ZNF316: variants seen among roughly 807,000 people sequenced by gnomAD.
The protein encoded by ZNF316 is zinc finger protein 316.
A neutral mutation model predicts 75.6 loss-of-function variants in ZNF316; 23 were observed. The observed-to-expected ratio is 0.30, with a 90% CI of 0.22 to 0.43. ZNF316 has a LOEUF of 0.43. Ranked by LOEUF, ZNF316 falls within the 20% of genes least tolerant of loss-of-function variation. The pLI is 1.00. For synonymous variants in ZNF316, 827 were observed against 666.2 expected (o/e 1.24, Z -3.72); for missense variants, 1,266 against 1,409.4 (o/e 0.90, Z 1.63).
At chr7:6,647,760 G>A (rs367960525) in intron 8 of ZNF316, among the ~76,000 whole-genome samples, 111 of 152,324 alleles carry the variant, frequency 7.3e-4, no homozygotes, top group African/African-American at 7.2e-4. Context: ...AGATGGTGGC[G>A]GCCTGGTGCC....
chr7:6,642,725 C>G lies in ZNF316; in HGVS notation c.316C>G (p.Arg106Gly), dbSNP rs1003071419. The change falls in exon 5 of 9, where the codon CGT becomes GGT. Residue 106 changes from arginine (R) to glycine (G), a missense_variant. By Grantham distance (125) the Arg-to-Gly change is moderately radical. Coordinates refer to ENST00000382252, the MANE Select transcript of ZNF316 (RefSeq NM_001278559.2). This position sits in a 1 kb window ranked among gnomAD's most constrained non-coding sequence, Gnocchi z 8.1. ...PALGTQERLS[R>G]GGDAKSPVLQ... is the part of the protein sequence containing the mutation. ...GTTGGGGACCCAGGAGCGACTTAGC[C>G]GTGGTGGTGATGCCAAGTCCCCAGT... 13 of 1,233,476 alleles carry G rather than the reference C, an allele frequency of 1.1e-5. No individual in the cohort carries two copies. Among genetic ancestry groups the G allele is most frequent in the African/African-American group, 1.6e-5 (1 of 64,284 alleles). 76.4% of individuals were successfully genotyped at this position (1,233,476 alleles called of 1,614,324 possible).
Position 6,652,484 on chromosome 7 carries a change from G to A in ZNF316, c.888G>A (p.Gly296=), listed in dbSNP as rs1315007375. 2.5e-5 allele frequency: 31 copies of A among 1,231,472 alleles called. No homozygotes were observed. The highest frequency in any genetic ancestry group is 2.9e-5 in the Non-Finnish European group (29 of 987,724). The allele number at this position is 1,231,472 out of a possible 1,614,324, so 76.3% of individuals were successfully genotyped here. A position where few individuals can be genotyped will look rare whatever the true frequency, so the allele number is the denominator to read the frequency against. ...DDSDSAQTPE[G]WGPDPGGLGV... is the part of the protein sequence containing the mutation. ...CGGATTCGGCGCAGACTCCAGAGGGGTGGGGACCCGACCCAGGCGGCCTGG... is the reference window on the plus strand; with the variant it reads ...CGGATTCGGCGCAGACTCCAGAGGGATGGGGACCCGACCCAGGCGGCCTGG... The change falls in exon 9 of 9, where the codon GGG becomes GGA. Residue 296 remains glycine, a synonymous_variant. Coordinates refer to ENST00000382252, the MANE Select transcript of ZNF316 (RefSeq NM_001278559.2).
intron 2 of ZNF316, among the ~76,000 whole-genome samples, chr7:6,638,332 G>A (rs1268512140): frequency 6.6e-6 from 1 of 152,144 alleles, no homozygotes; most frequent in African/African-American, 2.4e-5. Flanking sequence ...GACAGACAGT[G>A]AGGACTGTGG....
In ZNF316 at chr7:6,654,621, G is replaced by A. The variant is rs1779584357; in HGVS notation, c.*10G>A. 1 of 1,184,606 alleles carries A rather than the reference G, an allele frequency of 8.4e-7. No individual in the cohort carries two copies. Among genetic ancestry groups the A allele is most frequent in the Admixed American group, 4.5e-5 (1 of 22,148 alleles). The allele number at this position is 1,184,606 out of a possible 1,614,324, so 73.4% of individuals were successfully genotyped here. On this transcript the variant is annotated 3_prime_UTR_variant, in exon 9 of 9. Coordinates refer to ENST00000382252, the MANE Select transcript of ZNF316 (RefSeq NM_001278559.2). ...GGAGGGCGTCCTGTGAGGGGCCCGGGGCCGACAGCAGCGCAGCCTGCAGGG... is the reference window on the plus strand; with the variant it reads ...GGAGGGCGTCCTGTGAGGGGCCCGGAGCCGACAGCAGCGCAGCCTGCAGGG...
rs1031631360 is a variant in ZNF316, at chr7:6,658,022, C to T, written c.*3411C>T. 1.3e-5 allele frequency among the ~76,000 whole-genome samples: 2 copies of T among 152,072 alleles called. No homozygotes were observed. Among genetic ancestry groups the T allele is most frequent in the African/African-American group, 2.4e-5 (1 of 41,414 alleles). On this transcript the variant is annotated 3_prime_UTR_variant, in exon 9 of 9. Transcript: ENST00000382252. ...CTAGTGACTTGTGAAATGTGAGTCA[C>T]GAAAGGTGGCACTTAGAGGGTCCCT...
At chr7:6,644,081 G>A in intron 7 of ZNF316, 133 bp downstream of exon 7, 2 of 1,043,348 alleles carry the variant, frequency 1.9e-6, no homozygotes, top group Non-Finnish European at 2.4e-6. Context: ...CCACCTCCCA[G>A]GGAAGCCCTA....
rs1237201075 is a variant in ZNF316 at position 6,652,921 on chromosome 7, C to G, written c.1325C>G (p.Ser442Cys). Residue 442 changes from serine (S) to cysteine (C), a missense_variant, in exon 9 of 9, where the codon TCC becomes TGC. This residue lies in a region of ZNF316 where 961 missense variants were observed against 990.9 expected (regional missense o/e 0.97). Transcript: ENST00000382252. ...AFCGAGFGRR[S>C]YLVTHQRTHT... ...TGCGGCGCGGGCTTCGGGCGCCGCTCCTACCTGGTCACGCACCAGCGCACG... is the reference window on the plus strand; with the variant it reads ...TGCGGCGCGGGCTTCGGGCGCCGCTGCTACCTGGTCACGCACCAGCGCACG... 66 of 1,243,324 alleles carry G rather than the reference C, an allele frequency of 5.3e-5. No homozygotes were observed. The highest frequency in any genetic ancestry group is 6.4e-5 in the Non-Finnish European group (64 of 993,260). The allele number at this position is 1,243,324 out of a possible 1,614,324, so 77.0% of individuals were successfully genotyped here. A position where few individuals can be genotyped will look rare whatever the true frequency, so the allele number is the denominator to read the frequency against.
At position 6,653,486 on chromosome 7, in the gene ZNF316, C is replaced by T; in HGVS notation, c.1890C>T (p.Arg630=). 1 of 1,223,218 alleles carries T rather than the reference C, an allele frequency of 8.2e-7. No homozygotes were observed. Among genetic ancestry groups the T allele is most frequent in the Non-Finnish European group, 1.0e-6 (1 of 982,318 alleles). 75.8% of individuals were successfully genotyped at this position (1,223,218 alleles called of 1,614,324 possible). A position where few individuals can be genotyped will look rare whatever the true frequency, so the allele number is the denominator to read the frequency against. ...DFRERLPVDG[R]PLPAPLGGPL... is the part of the protein sequence containing the mutation. ...GAGAGCGGCTGCCGGTCGACGGGCG[C>T]CCGCTCCCGGCGCCCCTGGGGGGCC... The change falls in exon 9 of 9, where the codon CGC becomes CGT. Residue 630 remains arginine (R), a synonymous_variant. Transcript: ENST00000382252.
At chr7:6,647,046 C>T (rs980832764) in intron 8 of ZNF316, among the ~76,000 whole-genome samples, 2 of 152,216 alleles carry the variant, frequency 1.3e-5, no homozygotes, top group African/African-American at 2.4e-5. Flanking sequence ...TTTCTGCCGG[C>T]TCTGGTCTGC....
At chr7:6,646,962 G>C (rs1779415948) in intron 8 of ZNF316, among the ~76,000 whole-genome samples, 1 of 152,060 alleles carries the variant, frequency 6.6e-6, no homozygotes, top group African/African-American at 2.4e-5. Context: ...CTGCCCTTCA[G>C]CCATGCTTCA....
rs1369941449 is a variant in ZNF316, at chr7:6,640,288, GGT to G, written c.-167+1149_-167+1150del. 1.3e-5 allele frequency among the ~76,000 whole-genome samples: 2 copies of G among 152,162 alleles called. No homozygotes were observed. Among genetic ancestry groups the G allele is most frequent in the African/African-American group, 4.8e-5 (2 of 41,424 alleles). ...GAGACTGGGTCATTTATAAAGAAGA[GGT>G]GAGACTGGCGCATGGTTCTGCAGGC... On this transcript the variant is annotated intron_variant, in intron 3 of 8. Coordinates refer to ENST00000382252, the MANE Select transcript of ZNF316 (RefSeq NM_001278559.2). This position sits in a 1 kb window ranked among gnomAD's most constrained non-coding sequence, Gnocchi z 5.1.
At chr7:6,650,345 T>G (rs1349575521) in intron 8 of ZNF316, among the ~76,000 whole-genome samples, 1 of 152,220 alleles carries the variant, frequency 6.6e-6, no homozygotes, top group African/African-American at 2.4e-5. Context: ...AGACTCAACT[T>G]AGTGACAAGA....
Position 6,640,194 on chromosome 7 carries a change from C to A in ZNF316, c.-167+1053C>A, listed in dbSNP as rs973819628. On this transcript the variant is annotated intron_variant, in intron 3 of 8. Transcript: ENST00000382252. The surrounding 1 kb of genome is among the most constrained non-coding windows in gnomAD (Gnocchi z 5.1). ...CAAAGCAGTTCAGGAAATGAGTACG[C>A]GCGGCTGCTATGGTTTGGGTGTTTG... 6.6e-6 allele frequency among the ~76,000 whole-genome samples: 1 copy of A among 152,122 alleles called. No homozygotes were observed. The highest frequency in any genetic ancestry group is 1.5e-5 in the Non-Finnish European group (1 of 68,020).
chr7:6,643,216 T>A, intron 6 of ZNF316, 143 bp downstream of exon 6: 2 of 1,170,514 alleles, frequency 1.7e-6, no homozygotes. Flanking sequence ...GAGCTGGGAG[T>A]GGCCACAGGA....
chr7:6,650,581 C>T (rs567957197), intron 8 of ZNF316, among the ~76,000 whole-genome samples: 38 of 152,252 alleles, frequency 2.5e-4, no homozygotes, highest in African/African-American at 7.5e-4. Flanking sequence ...CAGGGGCCAG[C>T]GTGCGACATG....
chr7:6,651,627 G>T (rs1779509304), intron 8 of ZNF316, among the ~76,000 whole-genome samples: 1 of 152,032 alleles, frequency 6.6e-6, no homozygotes, highest in African/African-American at 2.4e-5. Context: ...GCCGGGCGTG[G>T]TGGCCTGAGC....
rs1779478919 is a variant in ZNF316 at position 6,650,000 on chromosome 7, G to C, written c.707-2303G>C. Among the ~76,000 whole-genome samples the C allele has an allele frequency of 2.0e-5, 3 of 152,236 alleles. No homozygotes were observed. The South Asian group carries it at 6.2e-4, about 31-fold the overall frequency. Reference sequence around the variant, plus strand: ...CCTTGGCCTGGGAGTCCAGTTCTTTGAGGCTTATTATCCAGTAAATGCTCG... The same window carrying C: ...CCTTGGCCTGGGAGTCCAGTTCTTTCAGGCTTATTATCCAGTAAATGCTCG... On this transcript the variant is annotated intron_variant, in intron 8 of 8. Transcript: ENST00000382252.
rs1562587269 is a variant in ZNF316 at position 6,657,606 on chromosome 7, CCCTTGAGCTCAGATGGATT to C, written c.*3008_*3026del. Reference sequence around the variant, plus strand: ...AGCACTATGGGAGGCCAAGGCGGATCCCTTGAGCTCAGATGGATTCCTTGAGCTCAGGAGTTCGAGGCCA... The same window carrying C: ...AGCACTATGGGAGGCCAAGGCGGATCCCTTGAGCTCAGGAGTTCGAGGCCA... On this transcript the variant is annotated 3_prime_UTR_variant, in exon 9 of 9. Transcript: ENST00000382252. Among the ~76,000 whole-genome samples, 4 of 151,900 alleles carry C rather than the reference CCCTTGAGCTCAGATGGATT, an allele frequency of 2.6e-5. No individual in the cohort carries two copies. The highest frequency in any genetic ancestry group is 4.4e-5 in the Non-Finnish European group (3 of 67,968).
Position 6,642,913 on chromosome 7 carries a change from C to T in ZNF316, c.356-51C>T. ...GAGGGTGTTGCCAGGGCTCCTGGCC[C>T]TGCAGGCTGGGGGCTCAGGGCAGCT... is the stretch of plus-strand genomic sequence containing the variant. On this transcript the variant is annotated intron_variant, in intron 5 of 8. Coordinates refer to ENST00000382252, the MANE Select transcript of ZNF316 (RefSeq NM_001278559.2). This position sits in a 1 kb window ranked among gnomAD's most constrained non-coding sequence, Gnocchi z 8.1. 8.1e-7 allele frequency: 1 copy of T among 1,232,510 alleles called. No individual in the cohort carries two copies. The highest frequency in any genetic ancestry group is 1.0e-6 in the Non-Finnish European group (1 of 988,278). 76.3% of individuals were successfully genotyped at this position (1,232,510 alleles called of 1,614,324 possible).
Sources: allele counts gnomAD v4.1 joint callset (sites outside exome capture counted in the v4.1 genomes callset), GRCh38; gene constraint gnomAD v4.1.1; regional missense constraint gnomAD v4.1.1; non-coding constraint Gnocchi (gnomAD v3.1); transcripts MANE v1.5; gene names NCBI Gene and HGNC (gene_info 2026-07-23, HGNC 2026-07-21).